The following EVC variants were observed in gnomAD, a reference collection of about 807,000 sequenced individuals.
EVC encodes the protein evC complex member EVC.
A neutral mutation model predicts 118.9 loss-of-function variants in EVC; 116 were observed. The observed-to-expected ratio is 0.98, with a 90% CI of 0.84 to 1.14. EVC has a LOEUF of 1.14. EVC is among the 50% of genes most tolerant of loss of function. EVC has a pLI of 0.00. For missense variants in EVC, 1,401 were observed against 1,246.4 expected (o/e 1.12, Z -1.87); for synonymous variants, 619 against 534.7 (o/e 1.16, Z -2.18).
At chr4:5,786,596 G>T (rs934853229) in intron 12 of EVC, among the ~76,000 whole-genome samples, 1 of 152,124 alleles carries the variant, frequency 6.6e-6, no homozygotes, top group Non-Finnish European at 1.5e-5. Context: ...CATGATAGCC[G>T]GGTGCGGTGG....
At chr4:5,769,941 T>G (rs549326354) in intron 11 of EVC, among the ~76,000 whole-genome samples, 1 of 152,186 alleles carries the variant, frequency 6.6e-6, no homozygotes, top group East Asian at 1.9e-4. Context: ...AAGATCCCCC[T>G]CAGGCTCTTT....
intron 2 of EVC, among the ~76,000 whole-genome samples, chr4:5,721,541 AG>A (rs34332521): frequency 0.13 from 20,328 of 152,220 alleles, 1,773 homozygotes; most frequent in East Asian, 0.31. Context: ...GAAAGAGGAC[AG>A]GGTTTCTCTT....
Position 5,711,219 on chromosome 4 carries a change from G to T in EVC, c.-162G>T. On this transcript the variant is annotated 5_prime_UTR_variant, in exon 1 of 21. Transcript: ENST00000264956. Reference sequence around the variant, plus strand: ...CCTCCCTCCGGCTCGGCGAAGCAGGGAAGGGGAGAGAAGCAGGAGTCGGGA... The same window carrying T: ...CCTCCCTCCGGCTCGGCGAAGCAGGTAAGGGGAGAGAAGCAGGAGTCGGGA... 3.0e-6 allele frequency: 1 copy of T among 329,776 alleles called. No individual in the cohort carries two copies. Among genetic ancestry groups the T allele is most frequent in the Non-Finnish European group, 4.4e-6 (1 of 229,776 alleles). 20.4% of individuals were successfully genotyped at this position (329,776 alleles called of 1,614,324 possible).
intron 2 of EVC, among the ~76,000 whole-genome samples, chr4:5,725,894 G>C (rs539019147): frequency 6.6e-6 from 1 of 152,068 alleles, no homozygotes; most frequent in Non-Finnish European, 1.5e-5. Context: ...TTTTATATAA[G>C]GAATAATGAG....
intron 19 of EVC, 69 bp downstream of exon 19, chr4:5,809,680 A>G (rs1716574374): frequency 2.2e-6 from 3 of 1,351,630 alleles, no homozygotes; most frequent in Non-Finnish European, 3.1e-6. Flanking sequence ...CTAGTTCCAC[A>G]CTGGCCACTA....
At chr4:5,745,809 C>T (rs73200155) in intron 7 of EVC, among the ~76,000 whole-genome samples, 16,009 of 152,140 alleles carry the variant, frequency 0.11, 1,213 homozygotes, top group African/African-American at 0.21. Context: ...TTGCTCTTCA[C>T]CAGGGATTGT....
rs1364883831 is a variant in EVC at position 5,742,658 on chromosome 4, G to A, written c.801+844G>A. Among the ~76,000 whole-genome samples the A allele has an allele frequency of 1.3e-5, 2 of 151,980 alleles. No homozygotes were observed. The highest frequency in any genetic ancestry group is 4.8e-5 in the African/African-American group (2 of 41,368). On this transcript the variant is annotated intron_variant, in intron 6 of 20. Transcript: ENST00000264956. The surrounding 1 kb of genome is among the most constrained non-coding windows in gnomAD (Gnocchi z 5.2). ...CATGTCCTCATTACCATCATCATGAGCATCATTTTTATCATTGTTGTAATT... is the reference window on the plus strand; with the variant it reads ...CATGTCCTCATTACCATCATCATGAACATCATTTTTATCATTGTTGTAATT...
chr4:5,790,826 G>C (rs937710809), intron 12 of EVC, among the ~76,000 whole-genome samples: 4 of 152,194 alleles, frequency 2.6e-5, no homozygotes, highest in African/African-American at 9.7e-5. Flanking sequence ...GGGAGTGGTA[G>C]CTCATGCCTG....
intron 11 of EVC, among the ~76,000 whole-genome samples, chr4:5,764,197 A>G (rs1210778966): frequency 1.4e-5 from 2 of 142,124 alleles, no homozygotes; most frequent in African/African-American, 5.3e-5. Context: ...TATATGCTGG[A>G]TTACATTTAT....
At chr4:5,716,478 C>T (rs1723980149) in intron 1 of EVC, among the ~76,000 whole-genome samples, 1 of 152,144 alleles carries the variant, frequency 6.6e-6, no homozygotes, top group African/African-American at 2.4e-5. Context: ...TCTGGGCTCC[C>T]CAGGAAGAGC....
chr4:5,727,077 G>C (rs531593887), intron 2 of EVC, among the ~76,000 whole-genome samples: 3 of 152,076 alleles, frequency 2.0e-5, no homozygotes, highest in African/African-American at 7.2e-5. Context: ...AGTCCTTTGG[G>C]TATATACCCA....
At chr4:5,799,916 C>G (rs1714666935) in intron 15 of EVC, among the ~76,000 whole-genome samples, 1 of 152,188 alleles carries the variant, frequency 6.6e-6, no homozygotes, top group Admixed American at 6.5e-5. Flanking sequence ...CACATGTTAC[C>G]TAACAGTAAA....
chr4:5,779,910 G>C (rs1165470278), intron 11 of EVC, among the ~76,000 whole-genome samples: 61 of 149,722 alleles, frequency 4.1e-4, no homozygotes, highest in African/African-American at 1.4e-3. Context: ...GGGCATCCCT[G>C]TCTTGTGCCA....
At chr4:5,713,842 G>C (rs1296018710) in intron 1 of EVC, among the ~76,000 whole-genome samples, 3 of 152,172 alleles carry the variant, frequency 2.0e-5, no homozygotes, top group Admixed American at 1.3e-4. Flanking sequence ...GGTGGAGGTT[G>C]CAGTGAGCCA....
Position 5,719,525 on chromosome 4 carries a change from G to T in EVC, c.300+152G>T. ...GCATAATTTACATACAGTCAAATGC[G>T]CAGACTTTAGGTTTTACAGTTTGAT... is the stretch of plus-strand genomic sequence containing the variant. On this transcript the variant is annotated intron_variant, in intron 2 of 20. Transcript: ENST00000264956. The surrounding 1 kb of genome is among the most constrained non-coding windows in gnomAD (Gnocchi z 4.7). The T allele has an allele frequency of 2.7e-6, 3 of 1,127,094 alleles. No homozygotes were observed. The highest frequency in any genetic ancestry group is 3.9e-6 in the Non-Finnish European group (3 of 761,822). 69.8% of individuals were successfully genotyped at this position (1,127,094 alleles called of 1,614,324 possible). A position where few individuals can be genotyped will look rare whatever the true frequency, so the allele number is the denominator to read the frequency against.
At chr4:5,745,973 G>T (rs906401981) in intron 7 of EVC, among the ~76,000 whole-genome samples, 1 of 152,188 alleles carries the variant, frequency 6.6e-6, no homozygotes, top group African/African-American at 2.4e-5. Context: ...CACAGTGGAG[G>T]GAAGAGTTCA....
chr4:5,804,604 G>C, intron 16 of EVC, 126 bp from the exon 17 acceptor site: 1 of 775,616 alleles, frequency 1.3e-6, no homozygotes, highest in Non-Finnish European at 2.3e-6. Context: ...TCCCTGTGCT[G>C]GTGGAAGGAT....
rs777640312 is a variant in EVC, at chr4:5,797,040, G to T, written c.1905G>T (p.Leu635=). ...CTCAAAGGTCCACGCGGTGTGTCCT[G>T]CAGGGGCATGACCTGCTGTTGCGCT... ...GLTEESTRCV[L]QGHDLLLRSA... is the part of the protein sequence containing the mutation. The change falls in exon 14 of 21, where the codon CTG becomes CTT. Residue 635 remains leucine (L), a synonymous_variant. Coordinates refer to ENST00000264956, the MANE Select transcript of EVC (RefSeq NM_153717.3). 4.3e-6 allele frequency: 7 copies of T among 1,613,178 alleles called. No individual in the cohort carries two copies. The East Asian group carries it at 1.3e-4, about 31-fold the overall frequency.
chr4:5,794,349 A>T (rs1163040873), intron 13 of EVC, among the ~76,000 whole-genome samples: 1 of 136,514 alleles, frequency 7.3e-6, no homozygotes, highest in Non-Finnish European at 1.6e-5. Flanking sequence ...ATACTTATAT[A>T]TATATTTATG....
Sources: allele counts gnomAD v4.1 joint callset (sites outside exome capture counted in the v4.1 genomes callset), GRCh38; gene constraint gnomAD v4.1.1; non-coding constraint Gnocchi (gnomAD v3.1); transcripts MANE v1.5; gene names NCBI Gene and HGNC (gene_info 2026-07-23, HGNC 2026-07-21).